B3GALT1: variants seen among roughly 807,000 people sequenced by gnomAD.
B3GALT1 encodes UDP-Gal:betaGlcNAc beta 1,3-galactosyltransferase, polypeptide 1.
A neutral mutation model predicts 23.2 loss-of-function variants in B3GALT1; 10 were observed. The observed-to-expected ratio is 0.43, with a 90% CI of 0.27 to 0.73. The LOEUF (loss-of-function observed/expected upper bound fraction) is 0.73. Among genes scored for constraint, B3GALT1 ranks in the 30% least tolerant of loss-of-function variants. B3GALT1 has a pLI of 0.21. For synonymous variants in B3GALT1, 156 were observed against 141.5 expected (o/e 1.10, Z -0.73); for missense variants, 299 against 405.4 (o/e 0.74, Z 2.25).
At chr2:167,749,999 G>A (rs1167336846) in intron 3 of B3GALT1, among the ~76,000 whole-genome samples, 1 of 152,148 alleles carries the variant, frequency 6.6e-6, no homozygotes, top group African/African-American at 2.4e-5. Flanking sequence ...AAGAAAATTT[G>A]GCATGAGAGT....
At position 167,678,434 on chromosome 2, in the gene B3GALT1, C is replaced by T. The variant is rs144072661; in HGVS notation, c.-352+31468C>T. Among the ~76,000 whole-genome samples, 516 of 152,194 alleles carry T rather than the reference C, an allele frequency of 3.4e-3. 2 individuals carry two copies. The highest frequency in any genetic ancestry group is 0.012 in the African/African-American group (487 of 41,524). On this transcript the variant is annotated intron_variant, in intron 3 of 4. Coordinates refer to ENST00000392690, the MANE Select transcript of B3GALT1 (RefSeq NM_020981.4). ...ACTAGGAAGTGGGAGCATCACAATC[C>T]GAGCTTAAGTAGTCTGCCTGATGAG... is the stretch of plus-strand genomic sequence containing the variant.
intron 2 of B3GALT1, among the ~76,000 whole-genome samples, chr2:167,564,960 C>G (rs1574141802): frequency 1.3e-5 from 2 of 152,122 alleles, no homozygotes; most frequent in South Asian, 2.1e-4. Flanking sequence ...CCATGCCATC[C>G]CTATCAAGCT....
chr2:167,579,317 T>C (rs1228237441), intron 2 of B3GALT1, among the ~76,000 whole-genome samples: 2 of 151,978 alleles, frequency 1.3e-5, no homozygotes, highest in African/African-American at 4.8e-5. Context: ...TACTATTTTC[T>C]ATTTAAAATT....
chr2:167,500,435 G>T (rs1574105794), intron 2 of B3GALT1, among the ~76,000 whole-genome samples: 1 of 152,114 alleles, frequency 6.6e-6, no homozygotes. Context: ...AAAAAAAATT[G>T]TGTGGGGGTG....
At chr2:167,741,890 C>A (rs1328302511) in intron 3 of B3GALT1, among the ~76,000 whole-genome samples, 2 of 152,142 alleles carry the variant, frequency 1.3e-5, no homozygotes, top group African/African-American at 4.8e-5. Context: ...TCATAACTTA[C>A]TGAGAGTATA....
intron 3 of B3GALT1, among the ~76,000 whole-genome samples, chr2:167,698,780 G>A (rs945649058): frequency 1.4e-4 from 22 of 152,152 alleles, no homozygotes; most frequent in Admixed American, 1.0e-3. Context: ...AAACACTGCC[G>A]TTCAATAAGT....
chr2:167,512,637 CATAT>C (rs748345888), intron 2 of B3GALT1, among the ~76,000 whole-genome samples: 1 of 64,940 alleles, frequency 1.5e-5, no homozygotes. Context: ...TATATATATA[CATAT>C]ATATATATAT....
chr2:167,803,129 T>A (rs1425872060), intron 3 of B3GALT1, among the ~76,000 whole-genome samples: 1 of 134,356 alleles, frequency 7.4e-6, no homozygotes, highest in Non-Finnish European at 1.5e-5. Context: ...CACCCCTTGG[T>A]TGGGCTGGGG....
chr2:167,858,678 T>G (rs893554789), intron 4 of B3GALT1, among the ~76,000 whole-genome samples: 1 of 152,158 alleles, frequency 6.6e-6, no homozygotes, highest in African/African-American at 2.4e-5. Context: ...ATCTGGGTCT[T>G]CCAATGCCAT....
intron 2 of B3GALT1, among the ~76,000 whole-genome samples, chr2:167,594,077 A>G (rs1299459938): frequency 6.6e-6 from 1 of 152,236 alleles, no homozygotes; most frequent in Non-Finnish European, 1.5e-5. Flanking sequence ...CTGGCTTACA[A>G]AAAATAGCCA....
chr2:167,506,471 T>G (rs1699919957), intron 2 of B3GALT1, among the ~76,000 whole-genome samples: 1 of 152,130 alleles, frequency 6.6e-6, no homozygotes, highest in South Asian at 2.1e-4. Context: ...AGTGAATGCT[T>G]AGGGAAAAGT....
chr2:167,561,272 A>G (rs1161136500), intron 2 of B3GALT1, among the ~76,000 whole-genome samples: 2 of 152,214 alleles, frequency 1.3e-5, no homozygotes, highest in Non-Finnish European at 2.9e-5. Flanking sequence ...ACAAAGACAC[A>G]ACATACCAGA....
chr2:167,599,742 A>C (rs1251383522), intron 2 of B3GALT1, among the ~76,000 whole-genome samples: 3 of 152,202 alleles, frequency 2.0e-5, no homozygotes, highest in Admixed American at 1.3e-4. Flanking sequence ...TTATCACAAC[A>C]TATACTGTTT....
chr2:167,517,745 A>G (rs1700126604), intron 2 of B3GALT1, among the ~76,000 whole-genome samples: 1 of 152,090 alleles, frequency 6.6e-6, no homozygotes, highest in Non-Finnish European at 1.5e-5. Context: ...ATTTACCATG[A>G]CTATCTACTT....
chr2:167,582,324 G>A (rs1302158016), intron 2 of B3GALT1, among the ~76,000 whole-genome samples: 2 of 152,176 alleles, frequency 1.3e-5, no homozygotes, highest in Non-Finnish European at 2.9e-5. Flanking sequence ...CAGACTTGGC[G>A]TGCAGTTGTT....
chr2:167,470,044 T>C (rs745499648), intron 1 of B3GALT1, among the ~76,000 whole-genome samples: 16 of 152,186 alleles, frequency 1.1e-4, no homozygotes, highest in Non-Finnish European at 1.9e-4. Context: ...TAAACTCTCA[T>C]CACAATATCC....
intron 1 of B3GALT1, among the ~76,000 whole-genome samples, chr2:167,404,970 A>G (rs1391934688): frequency 6.6e-6 from 1 of 152,188 alleles, no homozygotes; most frequent in Non-Finnish European, 1.5e-5. Context: ...CGAGCACAGG[A>G]AAAAATCCCG....
Position 167,615,892 on chromosome 2 carries a change from C to T in B3GALT1, c.-409-31017C>T, listed in dbSNP as rs1213811653. On this transcript the variant is annotated intron_variant, in intron 2 of 4. Coordinates refer to ENST00000392690, the MANE Select transcript of B3GALT1 (RefSeq NM_020981.4). The stretch of plus-strand genomic sequence containing the variant: ...TGAGGTGTGGAAAGGTTTTTAGTTG[C>T]CCAAAGTTAGACAGTTCTAAGTGGT... Among the ~76,000 whole-genome samples, 2 of 151,936 alleles carry T rather than the reference C, an allele frequency of 1.3e-5. 1 individual carries two copies. Among genetic ancestry groups the T allele is most frequent in the East Asian group, 3.9e-4 (2 of 5,160 alleles).
chr2:167,785,254 G>A (rs1688321200), intron 3 of B3GALT1, among the ~76,000 whole-genome samples: 1 of 152,202 alleles, frequency 6.6e-6, no homozygotes, highest in South Asian at 2.1e-4. Context: ...CACAGGACAG[G>A]TGAGGGATCT....
Sources: gnomAD v4.1 joint callset for allele counts (sites outside exome capture counted in the v4.1 genomes callset) on GRCh38, gnomAD v4.1.1 for gene constraint, MANE v1.5 for transcripts, NCBI Gene and HGNC (gene_info 2026-07-23, HGNC 2026-07-21) for gene names.